ZNF438: variants seen among roughly 807,000 people sequenced by gnomAD.
ZNF438 encodes the protein zinc finger protein 438.
A neutral mutation model predicts 38.0 loss-of-function variants in ZNF438; 25 were observed. The observed-to-expected ratio is 0.66, with a 90% CI of 0.48 to 0.92. ZNF438 has a LOEUF of 0.92. ZNF438 is among the 40% of genes least tolerant of loss of function. The pLI, the probability that ZNF438 is intolerant of heterozygous loss-of-function variation, is 0.00. For synonymous variants in ZNF438, 372 were observed against 364.1 expected, an observed-to-expected ratio of 1.02 and a Z score of -0.25; for missense variants, 1,007 against 999.6, an observed-to-expected ratio of 1.01 and a Z score of -0.10.
chr10:30,928,057 C>CT (rs35880867), intron 2 of ZNF438, among the ~76,000 whole-genome samples: 1 of 152,050 alleles, frequency 6.6e-6, no homozygotes, highest in Admixed American at 6.5e-5. Flanking sequence ...AAAATGTAAC[C>CT]TTTTTTTCAG....
chr10:31,018,762 G>A (rs2056386602), intron 1 of ZNF438, among the ~76,000 whole-genome samples: 1 of 152,186 alleles, frequency 6.6e-6, no homozygotes, highest in Admixed American at 6.5e-5. Context: ...AGTAGTAATT[G>A]GTTCTGTTCC....
intron 5 of ZNF438, among the ~76,000 whole-genome samples, chr10:30,845,952 A>C (rs372571077): frequency 5.4e-4 from 82 of 152,266 alleles, no homozygotes; most frequent in South Asian, 5.2e-3. Context: ...GTCCCACCCT[A>C]CCCACTGTGG....
intron 5 of ZNF438, among the ~76,000 whole-genome samples, chr10:30,846,166 G>GT (rs1195460247): frequency 9.9e-5 from 15 of 152,194 alleles, no homozygotes; most frequent in African/African-American, 3.6e-4. Context: ...TTTTCCTAGA[G>GT]TTAGATTTTG....
chr10:30,938,523 G>A (rs933891797), intron 2 of ZNF438, among the ~76,000 whole-genome samples: 3 of 152,028 alleles, frequency 2.0e-5, no homozygotes, highest in South Asian at 2.1e-4. Context: ...TGATCTGCCC[G>A]CCTTGGCCTC....
chr10:30,856,369 GT>G (rs988497373), intron 4 of ZNF438, among the ~76,000 whole-genome samples: 36 of 151,808 alleles, frequency 2.4e-4, no homozygotes, highest in South Asian at 1.0e-3. Flanking sequence ...AATAACTCGT[GT>G]TTTTTTGTTT....
chr10:30,956,313 G>C (rs2048857174), intron 1 of ZNF438, among the ~76,000 whole-genome samples: 1 of 152,150 alleles, frequency 6.6e-6, no homozygotes, highest in Non-Finnish European at 1.5e-5. Flanking sequence ...GTAAATATGT[G>C]TGTGACCAAA....
intron 3 of ZNF438, among the ~76,000 whole-genome samples, chr10:30,891,552 T>A (rs2040689636): frequency 6.6e-6 from 1 of 152,178 alleles, no homozygotes; most frequent in Non-Finnish European, 1.5e-5. Flanking sequence ...ATTTATTTTA[T>A]GTAAAAGTAA....
intron 1 of ZNF438, among the ~76,000 whole-genome samples, chr10:30,975,320 T>A (rs1248721388): frequency 6.6e-6 from 1 of 152,104 alleles, no homozygotes; most frequent in East Asian, 1.9e-4. Flanking sequence ...TGAGAGGAGG[T>A]CAGATGACTA....
At chr10:30,952,645 G>A (rs1342681057) in intron 1 of ZNF438, among the ~76,000 whole-genome samples, 4 of 129,890 alleles carry the variant, frequency 3.1e-5, no homozygotes, top group South Asian at 2.8e-4. Flanking sequence ...AAAAACACAT[G>A]AAAAAATGCT....
At chr10:30,911,149 G>T (rs1270430518) in intron 2 of ZNF438, among the ~76,000 whole-genome samples, 4 of 151,898 alleles carry the variant, frequency 2.6e-5, no homozygotes, top group Non-Finnish European at 4.4e-5. Flanking sequence ...ATTTAGTAAG[G>T]TTTACAAAAA....
chr10:30,849,649 A>G lies in ZNF438; in HGVS notation c.756T>C (p.Ser252=). 2.5e-6 allele frequency: 4 copies of G among 1,614,214 alleles called. No individual in the cohort carries two copies. The South Asian group carries it at 3.3e-5, about 13-fold the overall frequency. ...CTTTAAATTTTTCACTGGCAACAGC[A>G]GAAGGTTTACTAGATGTTATCTTGC... Residue 252 remains serine, a synonymous_variant, in exon 5 of 6, where the codon TCT becomes TCC. Transcript: ENST00000413025.
chr10:30,886,826 G>A (rs2040008607), intron 3 of ZNF438, among the ~76,000 whole-genome samples: 2 of 152,128 alleles, frequency 1.3e-5, no homozygotes, highest in South Asian at 4.1e-4. Flanking sequence ...TACTTTTAAA[G>A]TAACGTTATT....
chr10:30,888,038 G>A (rs1321088690), intron 3 of ZNF438, among the ~76,000 whole-genome samples: 2 of 152,008 alleles, frequency 1.3e-5, no homozygotes, highest in Admixed American at 6.5e-5. Context: ...TAACTGATAT[G>A]CATTTGAGTT....
At chr10:31,025,101 C>T (rs906831940) in intron 1 of ZNF438, among the ~76,000 whole-genome samples, 1 of 152,160 alleles carries the variant, frequency 6.6e-6, no homozygotes, top group Non-Finnish European at 1.5e-5. Context: ...CAGTACAACA[C>T]AATCCTTTGT....
intron 3 of ZNF438, among the ~76,000 whole-genome samples, chr10:30,900,312 A>G (rs540015774): frequency 1.3e-5 from 2 of 152,076 alleles, no homozygotes; most frequent in Non-Finnish European, 2.9e-5. Context: ...GCTAATCCCT[A>G]CTCTAAACCA....
chr10:30,928,481 T>C (rs914078440), intron 2 of ZNF438, among the ~76,000 whole-genome samples: 1 of 152,090 alleles, frequency 6.6e-6, no homozygotes, highest in African/African-American at 2.4e-5. Flanking sequence ...GGTACACTTA[T>C]TTATAAATAT....
At chr10:30,918,350 A>T (rs1434976745) in intron 2 of ZNF438, among the ~76,000 whole-genome samples, 1 of 152,170 alleles carries the variant, frequency 6.6e-6, no homozygotes, top group Non-Finnish European at 1.5e-5. Context: ...GAATCTACAG[A>T]TCAATTTTGA....
chr10:31,032,003 C>T (rs2057327883), upstream of ZNF438: 1 of 152,028 alleles, frequency 6.6e-6, no homozygotes, highest in South Asian at 2.1e-4. Flanking sequence ...CTCCACGCAC[C>T]TCCCCGTAGC....
At chr10:30,854,907 G>GCAA (rs1307626726) in intron 4 of ZNF438, among the ~76,000 whole-genome samples, 1 of 152,196 alleles carries the variant, frequency 6.6e-6, no homozygotes, top group African/African-American at 2.4e-5. Flanking sequence ...TGCAGCTGAA[G>GCAA]CAACAACAGT....
Sources: gnomAD v4.1 joint callset for allele counts (sites outside exome capture counted in the v4.1 genomes callset) on GRCh38, gnomAD v4.1.1 for gene constraint, MANE v1.5 for transcripts, NCBI Gene and HGNC (gene_info 2026-07-23, HGNC 2026-07-21) for gene names.